CDKAL1: variants seen among roughly 807,000 people sequenced by gnomAD.
CDKAL1 encodes threonylcarbamoyladenosine tRNA methylthiotransferase.
In CDKAL1, 32 loss-of-function variants were observed where a neutral mutation model predicts 68.2. The ratio of observed to expected loss-of-function variants is 0.47; its 90% CI spans 0.35 to 0.63. CDKAL1 has a LOEUF of 0.63. Among genes scored for constraint, CDKAL1 ranks in the 30% least tolerant of loss-of-function variants. The pLI is 0.00. For synonymous variants in CDKAL1, 234 were observed against 244.3 expected, an observed-to-expected ratio of 0.96 and a Z score of 0.39; for missense variants, 606 against 696.7, an observed-to-expected ratio of 0.87 and a Z score of 1.47.
At chr6:20,596,587 A>G (rs1765834694) in intron 4 of CDKAL1, among the ~76,000 whole-genome samples, 1 of 152,214 alleles carries the variant, frequency 6.6e-6, no homozygotes, top group Non-Finnish European at 1.5e-5. Context: ...AGTAGATCTT[A>G]GCTTGCTGGG....
At chr6:20,687,598 G>A (rs1324426003) in intron 5 of CDKAL1, among the ~76,000 whole-genome samples, 1 of 152,030 alleles carries the variant, frequency 6.6e-6, no homozygotes, top group Non-Finnish European at 1.5e-5. Flanking sequence ...AGGCTGGAGT[G>A]CATGGTCACA....
At chr6:20,705,755 T>C (rs1771564691) in intron 5 of CDKAL1, among the ~76,000 whole-genome samples, 1 of 152,184 alleles carries the variant, frequency 6.6e-6, no homozygotes, top group Admixed American at 6.5e-5. Flanking sequence ...AGTCTAGTAC[T>C]AGTTTTTAGC....
At chr6:20,734,265 A>G (rs1230426117) in intron 5 of CDKAL1, among the ~76,000 whole-genome samples, 4 of 152,084 alleles carry the variant, frequency 2.6e-5, no homozygotes, top group African/African-American at 9.7e-5. Context: ...ACTCAAGTTA[A>G]TGCTCTAGAA....
chr6:20,591,756 G>A (rs1765600996), intron 4 of CDKAL1, among the ~76,000 whole-genome samples: 1 of 152,170 alleles, frequency 6.6e-6, no homozygotes. Flanking sequence ...CCAGTACCAT[G>A]CTGTTTTGGT....
chr6:20,641,705 T>G (rs775290568), intron 4 of CDKAL1, among the ~76,000 whole-genome samples: 1 of 152,234 alleles, frequency 6.6e-6, no homozygotes, highest in East Asian at 1.9e-4. Context: ...AGGCATGATA[T>G]TTCAGCTGCA....
chr6:20,620,502 C>A (rs1431631664), intron 4 of CDKAL1, among the ~76,000 whole-genome samples: 1 of 152,116 alleles, frequency 6.6e-6, no homozygotes, highest in African/African-American at 2.4e-5. Context: ...AGGTGAAGCT[C>A]CAGAGGTTAA....
At chr6:20,874,574 G>C (rs540761416) in intron 9 of CDKAL1, among the ~76,000 whole-genome samples, 1 of 152,010 alleles carries the variant, frequency 6.6e-6, no homozygotes, top group Non-Finnish European at 1.5e-5. Context: ...GGAGTGCAGT[G>C]GTGTGATCTT....
At chr6:20,560,875 G>T (rs899514937) in intron 4 of CDKAL1, among the ~76,000 whole-genome samples, 19 of 152,052 alleles carry the variant, frequency 1.2e-4, no homozygotes, top group Non-Finnish European at 2.5e-4. Context: ...TTATTTTTAT[G>T]ATTGATTAAG....
intron 9 of CDKAL1, among the ~76,000 whole-genome samples, chr6:20,862,980 C>T (rs559947404): frequency 3.9e-5 from 6 of 152,068 alleles, no homozygotes; most frequent in Admixed American, 6.6e-5. Context: ...GAGCTGAGAT[C>T]GTGCCATTGC....
chr6:21,156,746 G>A (rs1202198589), intron 13 of CDKAL1, among the ~76,000 whole-genome samples: 1 of 152,112 alleles, frequency 6.6e-6, no homozygotes, highest in Non-Finnish European at 1.5e-5. Context: ...GAGAATTTGT[G>A]TGGTGGGATT....
At chr6:20,545,444 T>C (rs1387242769) in intron 2 of CDKAL1, among the ~76,000 whole-genome samples, 1 of 152,166 alleles carries the variant, frequency 6.6e-6, no homozygotes, top group African/African-American at 2.4e-5. Context: ...ATCTATTTTT[T>C]CTTCTTTTTT....
intron 10 of CDKAL1, among the ~76,000 whole-genome samples, chr6:20,961,208 G>T (rs1401881103): frequency 6.6e-6 from 1 of 152,076 alleles, no homozygotes; most frequent in Admixed American, 6.5e-5. Context: ...ATCCACAGTA[G>T]ACTGGATAAA....
At chr6:20,941,295 G>C (rs1763962639) in intron 9 of CDKAL1, among the ~76,000 whole-genome samples, 1 of 151,852 alleles carries the variant, frequency 6.6e-6, no homozygotes, top group South Asian at 2.1e-4. Context: ...ATTTTTGGTT[G>C]GTACTACTCA....
chr6:21,093,826 A>G (rs1258659120), intron 12 of CDKAL1, among the ~76,000 whole-genome samples: 2 of 145,272 alleles, frequency 1.4e-5, no homozygotes, highest in African/African-American at 5.2e-5. Context: ...GGCTCAAGCA[A>G]TCCTCCCACC....
intron 9 of CDKAL1, among the ~76,000 whole-genome samples, chr6:20,909,359 C>A (rs1040646977): frequency 1.5e-4 from 23 of 152,022 alleles, no homozygotes; most frequent in African/African-American, 5.6e-4. Flanking sequence ...TGGGTCAGAC[C>A]GTCCAAAGAA....
At chr6:20,702,821 G>C (rs962264904) in intron 5 of CDKAL1, among the ~76,000 whole-genome samples, 3 of 152,132 alleles carry the variant, frequency 2.0e-5, no homozygotes, top group Non-Finnish European at 4.4e-5. Context: ...TCCTCACCTA[G>C]GTCTGTGGGG....
At chr6:20,810,627 GGTGTGTGTGTGTGTGTGTGTGT>G (rs57000695) in intron 8 of CDKAL1, among the ~76,000 whole-genome samples, 8 of 134,672 alleles carry the variant, frequency 5.9e-5, no homozygotes, top group Admixed American at 3.7e-4. Context: ...TGTATGTATG[GGTGTGTGTGTGTGTGTGTGTGT>G]GTGTGTGTGT....
intron 8 of CDKAL1, among the ~76,000 whole-genome samples, chr6:20,785,501 T>C (rs6902757): frequency 1 from 151,807 of 151,868 alleles, 75,873 homozygotes; most frequent in Middle Eastern, 1. Context: ...TTAGTAGAGA[T>C]GGGGTTTCAC....
At chr6:20,842,186 A>G (rs1008932065) in intron 8 of CDKAL1, among the ~76,000 whole-genome samples, 6 of 152,208 alleles carry the variant, frequency 3.9e-5, no homozygotes, top group African/African-American at 1.4e-4. Flanking sequence ...GGTGATTAGA[A>G]AAACTGTTTT....
Sources: allele counts gnomAD v4.1 joint callset (sites outside exome capture counted in the v4.1 genomes callset), GRCh38; gene constraint gnomAD v4.1.1; transcripts MANE v1.5; gene names NCBI Gene and HGNC (gene_info 2026-07-23, HGNC 2026-07-21).